The following KIF13B variants were observed in gnomAD, a reference collection of about 807,000 sequenced individuals.
KIF13B encodes the protein kinesin family member 13B.
Under a neutral mutation model 222.0 loss-of-function variants are expected in KIF13B, and 127 were observed. That is an observed-to-expected ratio of 0.57 (90% CI 0.50 to 0.66). The LOEUF is 0.66. Among genes scored for constraint, KIF13B ranks in the 30% least tolerant of loss-of-function variants. KIF13B has a pLI of 0.00. For missense variants in KIF13B, 2,173 were observed against 2,379.0 expected (o/e 0.91, Z 1.80); for synonymous variants, 976 against 919.0 (o/e 1.06, Z -1.12).
intron 18 of KIF13B, among the ~76,000 whole-genome samples, chr8:29,143,726 G>A (rs570866356): frequency 1.1e-4 from 16 of 152,056 alleles, no homozygotes; most frequent in African/African-American, 3.6e-4. Context: ...GGCGCCTGTA[G>A]TCCCAGCTAT....
chr8:29,230,666 G>A (rs747883595), intron 2 of KIF13B, among the ~76,000 whole-genome samples: 7 of 152,194 alleles, frequency 4.6e-5, no homozygotes, highest in East Asian at 1.9e-4. Flanking sequence ...TGAAGCTGGC[G>A]TGAGCCCAGA....
chr8:29,239,299 C>T (rs1336404167), intron 2 of KIF13B, among the ~76,000 whole-genome samples: 1 of 152,166 alleles, frequency 6.6e-6, no homozygotes, highest in East Asian at 1.9e-4. Context: ...GGTATAGCTC[C>T]CTGTTTCCGT....
intron 27 of KIF13B, 73 bp downstream of exon 27, chr8:29,123,950 GT>G: frequency 1.1e-6 from 1 of 893,402 alleles, no homozygotes; most frequent in Non-Finnish European, 1.8e-6. Context: ...CTTAACTGAT[GT>G]GGCTACAAAG....
At chr8:29,163,798 C>T (rs1811881177) in intron 12 of KIF13B, among the ~76,000 whole-genome samples, 1 of 152,144 alleles carries the variant, frequency 6.6e-6, no homozygotes, top group Non-Finnish European at 1.5e-5. Flanking sequence ...ACTAAGCTCC[C>T]CAAGATGTAG....
chr8:29,158,264 A>G (rs1811625344), intron 13 of KIF13B, among the ~76,000 whole-genome samples: 2 of 152,174 alleles, frequency 1.3e-5, no homozygotes, highest in Admixed American at 6.5e-5. Flanking sequence ...TTGTATTCCA[A>G]GCACTTAACA....
intron 2 of KIF13B, among the ~76,000 whole-genome samples, chr8:29,210,370 C>T (rs748713342): frequency 6.6e-6 from 1 of 152,164 alleles, no homozygotes; most frequent in Non-Finnish European, 1.5e-5. Context: ...CTAGAAATGA[C>T]TTGAAGATGG....
intron 2 of KIF13B, among the ~76,000 whole-genome samples, chr8:29,208,316 T>C (rs546185932): frequency 8.0e-4 from 122 of 152,338 alleles, no homozygotes; most frequent in African/African-American, 2.7e-3. Flanking sequence ...TGGCAATTAC[T>C]TCTAAGGTGT....
chr8:29,139,153 A>G (rs1453022418), intron 21 of KIF13B, among the ~76,000 whole-genome samples: 4 of 152,144 alleles, frequency 2.6e-5, no homozygotes, highest in African/African-American at 2.4e-5. Flanking sequence ...CACTACTTTT[A>G]TTTATGTATA....
chr8:29,236,157 AAC>A lies in KIF13B; in HGVS notation c.149+9187_149+9188del, dbSNP rs563570302. On this transcript the variant is annotated intron_variant, in intron 2 of 39. Transcript: ENST00000524189. Reference sequence around the variant, plus strand: ...ACTTGATGAGATAATTGGGCATTTAAACACTGAAAATTTGATGCCACCACCTC... The same window carrying A: ...ACTTGATGAGATAATTGGGCATTTAAACTGAAAATTTGATGCCACCACCTC... 3.5e-4 allele frequency among the ~76,000 whole-genome samples: 54 copies of A among 152,326 alleles called. 1 individual carries two copies. The South Asian group carries it at 0.011, about 30-fold the overall frequency.
chr8:29,224,665 C>G (rs931784902), intron 2 of KIF13B, among the ~76,000 whole-genome samples: 1 of 151,158 alleles, frequency 6.6e-6, no homozygotes, highest in Non-Finnish European at 1.5e-5. Context: ...TTATAGAACC[C>G]CCCCCCATTC....
intron 37 of KIF13B, among the ~76,000 whole-genome samples, chr8:29,081,581 T>C (rs1375155680): frequency 1.3e-5 from 2 of 152,230 alleles, no homozygotes; most frequent in Non-Finnish European, 2.9e-5. Flanking sequence ...AAGGACTTTG[T>C]ACAGAAAGAA....
chr8:29,193,445 A>G (rs1320323254), intron 3 of KIF13B, among the ~76,000 whole-genome samples: 1 of 152,210 alleles, frequency 6.6e-6, no homozygotes, highest in Non-Finnish European at 1.5e-5. Context: ...GTAGGAGTAA[A>G]TAAAATGTGG....
intron 35 of KIF13B, among the ~76,000 whole-genome samples, chr8:29,101,526 G>A (rs1222451722): frequency 6.6e-6 from 1 of 152,056 alleles, no homozygotes; most frequent in Non-Finnish European, 1.5e-5. Flanking sequence ...TGGCTTCAGG[G>A]GCAGTTCTTC....
At chr8:29,107,997 TA>T in intron 35 of KIF13B, 141 bp downstream of exon 35, 1 of 684,406 alleles carries the variant, frequency 1.5e-6, no homozygotes, top group Non-Finnish European at 2.5e-6. Flanking sequence ...AAATGAACTC[TA>T]AAACACTTTC....
intron 36 of KIF13B, among the ~76,000 whole-genome samples, chr8:29,094,239 T>C (rs150163149): frequency 4.3e-4 from 64 of 147,776 alleles, no homozygotes; most frequent in Non-Finnish European, 6.9e-4. Flanking sequence ...TCACAGGCAA[T>C]ACAGGGGACA....
intron 37 of KIF13B, among the ~76,000 whole-genome samples, chr8:29,078,114 C>A: frequency 5.1e-5 from 1 of 19,764 alleles, no homozygotes; most frequent in African/African-American, 2.7e-4. Flanking sequence ...GAAACCGTGT[C>A]TCTACTAAAA....
intron 12 of KIF13B, among the ~76,000 whole-genome samples, chr8:29,162,782 A>G (rs76810319): frequency 0.013 from 1,921 of 152,382 alleles, 24 homozygotes; most frequent in African/African-American, 0.029. Flanking sequence ...TCTAGGAATC[A>G]GCTCATAACA....
intron 27 of KIF13B, 128 bp downstream of exon 27, chr8:29,123,896 T>G: frequency 1.6e-6 from 1 of 643,466 alleles, no homozygotes; most frequent in Non-Finnish European, 2.8e-6. Flanking sequence ...AGAGTAACAC[T>G]CATCTGCTCC....
At chr8:29,130,378 A>G (rs1472629738) in intron 24 of KIF13B, among the ~76,000 whole-genome samples, 155 bp downstream of exon 24, 1 of 152,230 alleles carries the variant, frequency 6.6e-6, no homozygotes, top group Non-Finnish European at 1.5e-5. Context: ...AAAATTTAAT[A>G]GCAATACTTG....
Sources: allele counts gnomAD v4.1 joint callset (sites outside exome capture counted in the v4.1 genomes callset), GRCh38; gene constraint gnomAD v4.1.1; transcripts MANE v1.5; gene names NCBI Gene and HGNC (gene_info 2026-07-23, HGNC 2026-07-21).